ASIP: variants seen among roughly 807,000 people sequenced by gnomAD.
ASIP encodes the protein agouti signaling protein, also known as agouti-signaling protein.
Under a neutral mutation model 10.3 loss-of-function variants are expected in ASIP, and 11 were observed. That is an observed-to-expected ratio of 1.07 (90% CI 0.68 to 1.78). The LOEUF (loss-of-function observed/expected upper bound fraction) is 1.78. Among genes scored for constraint, ASIP ranks in the 40% most tolerant of loss-of-function variants. The probability of loss-of-function intolerance (pLI) is 0.00; values close to 1 mark genes in which losing one functional copy is unlikely to be tolerated. For synonymous variants in ASIP, 70 were observed against 70.8 expected (o/e 0.99, Z 0.06); for missense variants, 180 against 169.2 (o/e 1.06, Z -0.35).
chr20:34,254,557 A>G (rs2035537387), intron 1 of ASIP, among the ~76,000 whole-genome samples: 1 of 152,224 alleles, frequency 6.6e-6, no homozygotes, highest in Non-Finnish European at 1.5e-5. Context: ...ACATTTGGCA[A>G]CAAAACCCGT....
chr20:34,249,245 C>G (rs1183623137), intron 1 of ASIP, among the ~76,000 whole-genome samples: 3 of 152,046 alleles, frequency 2.0e-5, no homozygotes, highest in Non-Finnish European at 4.4e-5. Flanking sequence ...GGGCTGGGAC[C>G]AGAACCCAGG....
chr20:34,195,159 C>T (rs940123851), intron 1 of ASIP, among the ~76,000 whole-genome samples: 1 of 151,258 alleles, frequency 6.6e-6, no homozygotes, highest in South Asian at 2.1e-4. Flanking sequence ...CAGGTCTGTA[C>T]CCTTCACTGT....
intron 1 of ASIP, among the ~76,000 whole-genome samples, chr20:34,202,288 A>G (rs753180875): frequency 1.2e-4 from 19 of 152,196 alleles, no homozygotes; most frequent in Non-Finnish European, 1.8e-4. Flanking sequence ...CACTAGCCAC[A>G]TATGGCTATT....
chr20:34,206,871 C>T (rs2122544486), intron 1 of ASIP, among the ~76,000 whole-genome samples: 1 of 152,304 alleles, frequency 6.6e-6, no homozygotes, highest in East Asian at 1.9e-4. Flanking sequence ...ATGCCTGGCC[C>T]ATATACCACG....
intron 1 of ASIP, among the ~76,000 whole-genome samples, chr20:34,209,154 T>C (rs1416764763): frequency 6.6e-6 from 1 of 152,228 alleles, no homozygotes; most frequent in Non-Finnish European, 1.5e-5. Context: ...ATGATAGCAG[T>C]GGTCCATCTG....
At chr20:34,201,291 T>C (rs1346521286) in intron 1 of ASIP, among the ~76,000 whole-genome samples, 1 of 152,136 alleles carries the variant, frequency 6.6e-6, no homozygotes, top group African/African-American at 2.4e-5. Context: ...ATGAACTCCT[T>C]GCCTGATCTA....
At chr20:34,220,606 AAAG>A (rs1258649602) in intron 1 of ASIP, among the ~76,000 whole-genome samples, 2 of 151,944 alleles carry the variant, frequency 1.3e-5, no homozygotes, top group Non-Finnish European at 2.9e-5. Flanking sequence ...AAAAAAAAAA[AAAG>A]AAGTAAGCAC....
upstream of ASIP, among the ~76,000 whole-genome samples, chr20:34,193,179 C>T (rs2034835030): frequency 6.6e-6 from 1 of 152,178 alleles, no homozygotes; most frequent in African/African-American, 2.4e-5. Context: ...AATATGTGAG[C>T]ATGCTTACAT....
intron 1 of ASIP, among the ~76,000 whole-genome samples, chr20:34,235,863 A>G (rs2035186218): frequency 2.5e-5 from 1 of 40,294 alleles, no homozygotes; most frequent in Non-Finnish European, 3.8e-5. Flanking sequence ...GAAGGAAGGA[A>G]GGAAAGGAAG....
chr20:34,267,706 ATTTTTAGTAGAGACGGGT>A (rs2035812140), intron 3 of ASIP, among the ~76,000 whole-genome samples: 2 of 151,862 alleles, frequency 1.3e-5, no homozygotes, highest in Admixed American at 1.3e-4. Context: ...TAATTTTTGT[ATTTTTAGTAGAGACGGGT>A]TTCTCCATGT....
At chr20:34,210,495 G>A (rs2122548504) in intron 1 of ASIP, among the ~76,000 whole-genome samples, 1 of 152,354 alleles carries the variant, frequency 6.6e-6, no homozygotes, top group Admixed American at 6.5e-5. Flanking sequence ...GTGCGCAGTG[G>A]CCAGACCCCC....
chr20:34,267,952 T>TC (rs2035817503), intron 3 of ASIP, among the ~76,000 whole-genome samples: 1 of 151,614 alleles, frequency 6.6e-6, no homozygotes, highest in Non-Finnish European at 1.5e-5. Context: ...AATAATTTAT[T>TC]TTTGTTGTGC....
chr20:34,237,441 T>C (rs1191044844), upstream of ASIP, among the ~76,000 whole-genome samples: 1 of 152,234 alleles, frequency 6.6e-6, no homozygotes, highest in African/African-American at 2.4e-5. Flanking sequence ...TGAATCATTT[T>C]CTTAATTTCC....
intron 1 of ASIP, among the ~76,000 whole-genome samples, chr20:34,202,302 C>T (rs1264701976): frequency 6.6e-6 from 1 of 152,142 alleles, no homozygotes; most frequent in Non-Finnish European, 1.5e-5. Flanking sequence ...GGCTATTGAG[C>T]AATTGAAATA....
chr20:34,212,376 ACAT>A (rs1313143606), intron 1 of ASIP, among the ~76,000 whole-genome samples: 2 of 152,172 alleles, frequency 1.3e-5, no homozygotes, highest in East Asian at 1.9e-4. Flanking sequence ...ATGCACACAC[ACAT>A]TTTTTACACA....
At chr20:34,251,240 T>C (rs906175972) in intron 1 of ASIP, among the ~76,000 whole-genome samples, 1 of 152,126 alleles carries the variant, frequency 6.6e-6, no homozygotes, top group African/African-American at 2.4e-5. Context: ...TAAGGAAACA[T>C]AATAAGTGAC....
intron 1 of ASIP, among the ~76,000 whole-genome samples, chr20:34,202,222 G>A (rs2034904426): frequency 6.6e-6 from 1 of 151,994 alleles, no homozygotes; most frequent in African/African-American, 2.4e-5. Flanking sequence ...GGAAATATTC[G>A]ATACCTGCAT....
the ASIP span, among the ~76,000 whole-genome samples, chr20:34,188,217 CA>C: frequency 6.6e-6 from 1 of 152,210 alleles, no homozygotes; most frequent in Non-Finnish European, 1.5e-5. Flanking sequence ...AGCATTTACA[CA>C]AAATCGTAAA....
At chr20:34,244,081 C>CA (rs1419867043) in intron 1 of ASIP, among the ~76,000 whole-genome samples, 8 of 151,946 alleles carry the variant, frequency 5.3e-5, no homozygotes, top group Non-Finnish European at 1.0e-4. Flanking sequence ...AACAAACAAA[C>CA]AAAAAAACTC....
Sources: allele counts gnomAD v4.1 joint callset (sites outside exome capture counted in the v4.1 genomes callset), GRCh38; gene constraint gnomAD v4.1.1; transcripts MANE v1.5; gene names NCBI Gene and HGNC (gene_info 2026-07-23, HGNC 2026-07-21).